Variants in LINC00237 observed in about 807,000 individuals in gnomAD.
LINC00237 encodes long intergenic non-protein coding RNA 237.
At position 21,101,992 on chromosome 20, in the gene LINC00237, T is replaced by C. The variant is rs969068440; in HGVS notation, n.88+4279A>G. Among the ~76,000 whole-genome samples, 4 of 152,212 alleles carry C rather than the reference T, an allele frequency of 2.6e-5. No individual in the cohort carries two copies. The highest frequency in any genetic ancestry group is 9.6e-5 in the African/African-American group (4 of 41,470). On this transcript the variant is annotated intron_variant and non_coding_transcript_variant, in intron 1 of 3. Coordinates refer to ENST00000691244, the Ensembl canonical transcript of LINC00237. This position sits in a 1 kb window ranked among gnomAD's most constrained non-coding sequence, Gnocchi z 4.3. ...TGGACAGCCCCAGGCCGGCTTTGGA[T>C]CCTTGGAGGCGGATACGCAAGGCCA...
intron 2 of LINC00237, among the ~76,000 whole-genome samples, chr20:21,092,148 AATTCTGTACT>A (rs1280645102): frequency 6.6e-6 from 1 of 152,196 alleles, no homozygotes; most frequent in Non-Finnish European, 1.5e-5. Context: ...GGACTCTGCT[AATTCTGTACT>A]ATTCTGTACT....
At position 21,098,615 on chromosome 20, in the gene LINC00237, T is replaced by C. The variant is rs541230842; in HGVS notation, n.89-4763A>G. On this transcript the variant is annotated intron_variant and non_coding_transcript_variant, in intron 1 of 3. Transcript: ENST00000691244. Reference sequence around the variant, plus strand: ...AGAGTACCAGGACAAAGCTCTAGCATGTTACTGCTTTGACACTCCTCAGAA... The same window carrying C: ...AGAGTACCAGGACAAAGCTCTAGCACGTTACTGCTTTGACACTCCTCAGAA... Among the ~76,000 whole-genome samples the C allele has an allele frequency of 3.9e-4, 60 of 152,354 alleles. 1 individual carries two copies. Among genetic ancestry groups the C allele is most frequent in the African/African-American group, 1.3e-3 (56 of 41,586 alleles).
At chr20:21,095,185 C>T (rs781591744) in intron 1 of LINC00237, among the ~76,000 whole-genome samples, 2 of 152,166 alleles carry the variant, frequency 1.3e-5, no homozygotes, top group Non-Finnish European at 2.9e-5. Flanking sequence ...TTGCATAGGC[C>T]TTAAAAGGAC....
intron 1 of LINC00237, among the ~76,000 whole-genome samples, chr20:21,099,671 A>G (rs1324105210): frequency 6.6e-6 from 1 of 152,010 alleles, no homozygotes; most frequent in Non-Finnish European, 1.5e-5. Flanking sequence ...TTTTTTATAT[A>G]TATAAGGGTT....
intron 2 of LINC00237, among the ~76,000 whole-genome samples, chr20:21,092,058 C>A (rs578170709): frequency 3.3e-5 from 5 of 152,248 alleles, no homozygotes; most frequent in Non-Finnish European, 7.4e-5. Context: ...CTGGAAAAGG[C>A]TGATTAAGAC....
intron 1 of LINC00237, among the ~76,000 whole-genome samples, chr20:21,097,036 C>T (rs779945376): frequency 2.0e-5 from 3 of 152,164 alleles, no homozygotes; most frequent in Non-Finnish European, 4.4e-5. Context: ...GATTGGAATC[C>T]TAGCCAGGAG....
intron 2 of LINC00237, among the ~76,000 whole-genome samples, chr20:21,091,798 T>C (rs968024442): frequency 6.6e-6 from 1 of 152,196 alleles, no homozygotes; most frequent in African/African-American, 2.4e-5. Flanking sequence ...TCCTTGGCAA[T>C]GGGCACATAT....
At chr20:21,102,700 A>G (rs1364993730) in intron 1 of LINC00237, among the ~76,000 whole-genome samples, 1 of 151,598 alleles carries the variant, frequency 6.6e-6, no homozygotes, top group Non-Finnish European at 1.5e-5. Context: ...TTATAAGAAA[A>G]AAAAAAAAAA....
At chr20:21,086,624 T>C (rs1203526909) in intron 3 of LINC00237, among the ~76,000 whole-genome samples, 6 of 134,212 alleles carry the variant, frequency 4.5e-5, no homozygotes, top group Admixed American at 7.5e-5. Context: ...TAGTATACTA[T>C]ATATAGTATA....
At chr20:21,090,827 A>G (rs1239980632) in intron 2 of LINC00237, among the ~76,000 whole-genome samples, 3 of 152,086 alleles carry the variant, frequency 2.0e-5, no homozygotes, top group Non-Finnish European at 4.4e-5. Flanking sequence ...TCTGGGACTG[A>G]ATTGTTTACA....
chr20:21,104,802 C>A (rs2030976552), intron 1 of LINC00237, among the ~76,000 whole-genome samples: 1 of 152,194 alleles, frequency 6.6e-6, no homozygotes, highest in African/African-American at 2.4e-5. Flanking sequence ...TACATATTCT[C>A]TCTGGGTGTT....
intron 1 of LINC00237, among the ~76,000 whole-genome samples, chr20:21,100,288 G>A (rs1306154786): frequency 2.6e-5 from 4 of 152,236 alleles, no homozygotes; most frequent in Non-Finnish European, 5.9e-5. Flanking sequence ...CTGTACACCT[G>A]CGGGCGGCGG....
At chr20:21,100,252 G>C (rs1414084062) in intron 1 of LINC00237, among the ~76,000 whole-genome samples, 1 of 152,238 alleles carries the variant, frequency 6.6e-6, no homozygotes, top group African/African-American at 2.4e-5. Flanking sequence ...GAGGGGTACA[G>C]GGGGCGGAGG....
chr20:21,098,824 C>T (rs2030892243), intron 1 of LINC00237, among the ~76,000 whole-genome samples: 1 of 152,196 alleles, frequency 6.6e-6, no homozygotes, highest in Non-Finnish European at 1.5e-5. Flanking sequence ...CCAGGGTAAA[C>T]ACAGGCTTGG....
chr20:21,105,557 C>G (rs1364118409), intron 1 of LINC00237, among the ~76,000 whole-genome samples: 2 of 152,202 alleles, frequency 1.3e-5, no homozygotes, highest in Non-Finnish European at 2.9e-5. Flanking sequence ...TGAGCGCCGC[C>G]GGCCCCCTCA....
At chr20:21,100,254 G>T (rs2030912516) in intron 1 of LINC00237, among the ~76,000 whole-genome samples, 2 of 152,196 alleles carry the variant, frequency 1.3e-5, no homozygotes, top group East Asian at 3.9e-4. Context: ...GGGGTACAGG[G>T]GGCGGAGGAA....
intron 1 of LINC00237, among the ~76,000 whole-genome samples, chr20:21,105,962 G>A (rs559345087): frequency 6.6e-6 from 1 of 152,212 alleles, no homozygotes; most frequent in South Asian, 2.1e-4. Context: ...AAGGCGCGGG[G>A]CGGGGTCGGG....
chr20:21,092,341 ACT>A (rs2030804308), intron 2 of LINC00237, among the ~76,000 whole-genome samples: 1 of 152,240 alleles, frequency 6.6e-6, no homozygotes, highest in African/African-American at 2.4e-5. Flanking sequence ...TGTGGTTGGA[ACT>A]CAGAGAAGGA....
chr20:21,103,934 C>T (rs1245088217), intron 1 of LINC00237, among the ~76,000 whole-genome samples: 1 of 152,140 alleles, frequency 6.6e-6, no homozygotes, highest in Admixed American at 6.5e-5. Flanking sequence ...GCATCAGTCA[C>T]GCAGCAGACT....
Sources: allele counts gnomAD v4.1 joint callset (sites outside exome capture counted in the v4.1 genomes callset), GRCh38; gene constraint gnomAD v4.1.1; non-coding constraint Gnocchi (gnomAD v3.1); transcripts MANE v1.5; gene names NCBI Gene and HGNC (gene_info 2026-07-23, HGNC 2026-07-21).